Variants in CABIN1 observed in about 807,000 individuals in gnomAD.
CABIN1 encodes the protein calcineurin binding protein 1, also known as calcineurin-binding protein cabin-1.
CABIN1 carries 133 observed loss-of-function variants against 227.7 expected under a neutral mutation model. The ratio of observed to expected loss-of-function variants is 0.58; its 90% confidence interval spans 0.51 to 0.67. The LOEUF (loss-of-function observed/expected upper bound fraction) is 0.67, where lower values mean the gene tolerates loss of function less well. Ranked by LOEUF, CABIN1 falls within the 30% of genes least tolerant of loss-of-function variation. The pLI is 0.00. For synonymous variants in CABIN1, 1,086 were observed against 1,155.1 expected (o/e 0.94, Z 1.21); for missense variants, 2,408 against 2,852.5 (o/e 0.84, Z 3.55).
chr22:24,097,948 C>G, intron 25 of CABIN1, 66 bp from the exon 26 acceptor site: 1 of 1,597,218 alleles, frequency 6.3e-7, no homozygotes, highest in Non-Finnish European at 8.6e-7. Flanking sequence ...TCACCCTTAC[C>G]AGTACACATC....
intron 29 of CABIN1, among the ~76,000 whole-genome samples, chr22:24,157,053 A>C (rs1309877178): frequency 6.6e-6 from 1 of 151,664 alleles, no homozygotes; most frequent in East Asian, 1.9e-4. Flanking sequence ...CTGGAGAGAC[A>C]GGACCGCGTT....
chr22:24,063,236 A>ATGTGTGTG (rs145495810), intron 14 of CABIN1, 90 bp downstream of exon 14: 5 of 1,109,960 alleles, frequency 4.5e-6, no homozygotes, highest in East Asian at 4.9e-5. Context: ...GTGTGTGTGT[A>ATGTGTGTG]TGTGTGTGTG....
chr22:24,098,656 G>T (rs530418312), intron 26 of CABIN1, among the ~76,000 whole-genome samples: 1 of 152,286 alleles, frequency 6.6e-6, no homozygotes, highest in East Asian at 1.9e-4. Flanking sequence ...TCACCCCTGA[G>T]AATCCAGATA....
At chr22:24,091,103 A>G (rs2041513030) in intron 23 of CABIN1, among the ~76,000 whole-genome samples, 1 of 152,166 alleles carries the variant, frequency 6.6e-6, no homozygotes, top group Non-Finnish European at 1.5e-5. Context: ...CCCTTCTACA[A>G]GTACTCCACA....
chr22:24,132,260 G>T (rs2044122088), intron 28 of CABIN1, among the ~76,000 whole-genome samples: 1 of 152,188 alleles, frequency 6.6e-6, no homozygotes, highest in Non-Finnish European at 1.5e-5. Flanking sequence ...CCTGAGACCT[G>T]AGTCTTCCTC....
At chr22:24,144,479 G>A (rs2044983973) in intron 29 of CABIN1, among the ~76,000 whole-genome samples, 1 of 152,226 alleles carries the variant, frequency 6.6e-6, no homozygotes, top group African/African-American at 2.4e-5. Flanking sequence ...GGGTGCCCAG[G>A]TCCCTAGGGG....
At chr22:24,155,721 G>C in intron 29 of CABIN1, 1 of 314,124 alleles carries the variant, frequency 3.2e-6, no homozygotes, top group Non-Finnish European at 5.8e-6. Context: ...GCCTGCAGAG[G>C]GGGGATATAA....
chr22:24,018,055 G>A (rs1229316606), intron 1 of CABIN1, among the ~76,000 whole-genome samples: 2 of 151,904 alleles, frequency 1.3e-5, no homozygotes, highest in Non-Finnish European at 2.9e-5. Context: ...GAGTCTCTCT[G>A]TGTTGCCCAG....
chr22:24,062,850 GC>G, intron 13 of CABIN1, 108 bp from the exon 14 acceptor site: 1 of 1,028,510 alleles, frequency 9.7e-7, no homozygotes, highest in Non-Finnish European at 1.5e-6. Flanking sequence ...GGCTTAGGGT[GC>G]CCCTGGAGAT....
At chr22:24,033,531 C>T (rs1761484901) in intron 1 of CABIN1, among the ~76,000 whole-genome samples, 1 of 152,198 alleles carries the variant, frequency 6.6e-6, no homozygotes, top group South Asian at 2.1e-4. Context: ...ATCCCACTGC[C>T]TGCTGGGCCC....
In CABIN1 at chr22:24,050,931, A is replaced by G. The variant is rs149573295; in HGVS notation, c.763A>G (p.Lys255Glu). 1 of 1,614,058 alleles carries G rather than the reference A, an allele frequency of 6.2e-7. No individual in the cohort carries two copies. Among genetic ancestry groups the G allele is most frequent in the African/African-American group, 1.3e-5 (1 of 74,914 alleles). Residue 255 changes from lysine to glutamate, a missense_variant, in exon 8 of 37, where the codon AAG becomes GAG. By Grantham distance (56) the Lys-to-Glu change is moderately conservative. Around this residue, in one of 3 missense-constraint regions of CABIN1, gnomAD observed 1,045 missense variants for 1,168.4 expected, o/e 0.89. Coordinates refer to ENST00000263119, the MANE Select transcript of CABIN1 (RefSeq NM_012295.4). ...GAGGCAAGCGCTGATTGTGCGGGAG[A>G]AGGAGCCGGACCTGAAACTTGTGCA... ...KKRQALIVRE[K>E]EPDLKLVQPI... is the part of the protein sequence containing the mutation.
chr22:24,135,449 G>C (rs980456222), intron 29 of CABIN1, among the ~76,000 whole-genome samples: 1 of 152,050 alleles, frequency 6.6e-6, no homozygotes, highest in African/African-American at 2.4e-5. Flanking sequence ...CTGATATTGC[G>C]TGTCAGGTGG....
intron 15 of CABIN1, among the ~76,000 whole-genome samples, chr22:24,065,450 G>A (rs1285160460): frequency 6.6e-6 from 1 of 151,606 alleles, no homozygotes; most frequent in South Asian, 2.1e-4. Flanking sequence ...GACGATGGGC[G>A]GCCGGGCAGA....
At position 24,177,442 on chromosome 22, in the gene CABIN1, G is replaced by C; in HGVS notation, c.6206-62G>C. On this transcript the variant is annotated intron_variant, in intron 35 of 36. Coordinates refer to ENST00000263119, the MANE Select transcript of CABIN1 (RefSeq NM_012295.4). This position sits in a 1 kb window ranked among gnomAD's most constrained non-coding sequence, Gnocchi z 4.4. ...ACCTGGGGGGAGCGGGTGGGGGCGA[G>C]ATAAAGTGCTCACTGTGTGATGCGG... 7.1e-7 allele frequency: 1 copy of C among 1,402,196 alleles called. No homozygotes were observed. The highest frequency in any genetic ancestry group is 9.6e-7 in the Non-Finnish European group (1 of 1,041,574). 86.9% of individuals were successfully genotyped at this position (1,402,196 alleles called of 1,614,324 possible).
chr22:24,134,526 C>T, intron 29 of CABIN1, 111 bp downstream of exon 29: 2 of 842,034 alleles, frequency 2.4e-6, no homozygotes, highest in Non-Finnish European at 3.9e-6. Context: ...AAGTTTGCGG[C>T]ATCCTCAGAG....
chr22:24,081,420 C>T (rs1404829329), intron 19 of CABIN1, among the ~76,000 whole-genome samples: 2 of 152,198 alleles, frequency 1.3e-5, no homozygotes, highest in Non-Finnish European at 2.9e-5. Context: ...TAAGGCTGTT[C>T]ATGGTTTCTG....
In CABIN1 at chr22:24,091,593, G is replaced by T; in HGVS notation, c.3536G>T (p.Arg1179Leu). 1 of 1,614,172 alleles carries T rather than the reference G, an allele frequency of 6.2e-7. No homozygotes were observed. The highest frequency in any genetic ancestry group is 8.5e-7 in the Non-Finnish European group (1 of 1,180,040). ...ATGATCTTCTTACAGATGGAGGGCC[G>T]GCGCGACAGCATGCTAGAGACAGCC... Reference protein sequence around the residue: ...PPELVQQMEGRRDSMLETAKH... With the variant: ...PPELVQQMEGLRDSMLETAKH... Residue 1179 changes from arginine to leucine, a missense_variant, in exon 24 of 37, where the codon CGG (arginine) becomes CTG (leucine). By Grantham distance (102) the Arg-to-Leu change is moderately radical. Around this residue, in one of 3 missense-constraint regions of CABIN1, gnomAD observed 649 missense variants for 910.3 expected, o/e 0.71. Coordinates refer to ENST00000263119, the MANE Select transcript of CABIN1 (RefSeq NM_012295.4).
chr22:24,138,883 A>G (rs535865798), intron 29 of CABIN1, among the ~76,000 whole-genome samples: 1 of 152,274 alleles, frequency 6.6e-6, no homozygotes, highest in African/African-American at 2.4e-5. Flanking sequence ...TCTCTGCAGC[A>G]TTCCTTCCTC....
chr22:24,089,755 C>T (rs115541122), intron 23 of CABIN1, among the ~76,000 whole-genome samples: 2 of 152,220 alleles, frequency 1.3e-5, no homozygotes, highest in Admixed American at 6.5e-5. Flanking sequence ...TGTGCTTCAG[C>T]TTTTGCCCAG....
Sources: gnomAD v4.1 joint callset for allele counts (sites outside exome capture counted in the v4.1 genomes callset) on GRCh38, gnomAD v4.1.1 for gene constraint, gnomAD v4.1.1 regional missense constraint, Gnocchi (gnomAD v3.1) non-coding constraint, MANE v1.5 for transcripts, NCBI Gene and HGNC (gene_info 2026-07-23, HGNC 2026-07-21) for gene names.